The following LY6G5B variants were observed in gnomAD, a reference collection of about 807,000 sequenced individuals.
LY6G5B encodes lymphocyte antigen 6 complex locus protein G5b.
In LY6G5B, 6 loss-of-function variants were observed where a neutral mutation model predicts 6.7. The observed-to-expected ratio is 0.89, with a 90% CI of 0.49 to 1.76. The LOEUF (loss-of-function observed/expected upper bound fraction) is 1.76. Among genes scored for constraint, LY6G5B ranks in the 40% most tolerant of loss-of-function variants. The pLI, the probability that LY6G5B is intolerant of heterozygous loss-of-function variation, is 0.01. For missense variants in LY6G5B, 240 were observed against 249.5 expected (o/e 0.96, Z 0.26); for synonymous variants, 98 against 99.4 (o/e 0.99, Z 0.09).
At chr6:31,669,992 C>G, upstream of LY6G5B, 18 of 1,330,262 alleles carry the variant, frequency 1.4e-5, no homozygotes, top group South Asian at 1.1e-4. The surrounding 1 kb of genome is among the most constrained non-coding windows in gnomAD (Gnocchi z 4.8). Flanking sequence ...TTTCAGGAAC[C>G]CTGTATGGTT....
intron 2 of LY6G5B, 71 bp downstream of exon 2, chr6:31,671,355 C>A (rs1802202749): frequency 5.0e-6 from 8 of 1,601,590 alleles, no homozygotes; most frequent in South Asian, 2.2e-5. Context: ...TCTCACAGAT[C>A]AGGGCTGCTC....
exon 1 of LY6G5B, chr6:31,670,721 C>G (rs1015545974): frequency 1.3e-5 from 7 of 548,466 alleles, no homozygotes; most frequent in Non-Finnish European, 2.3e-5. Context: ...TACTCCCACA[C>G]TCAGGAACCA....
chr6:31,672,318 A>G, exon 3 of LY6G5B: 1 of 1,584,082 alleles, frequency 6.3e-7, no homozygotes, highest in Non-Finnish European at 8.6e-7. Context: ...TAACACCCTC[A>G]GCATCCTGCA....
Position 31,672,256 on chromosome 6 carries a change from G to T in LY6G5B, c.580G>T (p.Gly194Ter), listed in dbSNP as rs747771533. 6.2e-7 allele frequency: 1 copy of T among 1,612,916 alleles called. No homozygotes were observed. Among genetic ancestry groups the T allele is most frequent in the South Asian group, 1.1e-5 (1 of 91,074 alleles). ...AGGACTTTTGGTTCTTCCCCAGGCT[G>T]GACTCTTGACACCTCACCCTTCCTG... is the stretch of plus-strand genomic sequence containing the variant. The change falls in exon 3 of 3, where the codon GGA becomes TGA. Residue 194 changes from glycine (G) to a stop codon, truncating the protein, a stop_gained. Coordinates refer to ENST00000375864, the Ensembl canonical transcript of LY6G5B. LOFTEE classifies it low-confidence loss of function (END_TRUNC).
intron 1 of LY6G5B, 28 bp from the exon 2 acceptor site, chr6:31,671,128 G>A: frequency 1.2e-6 from 2 of 1,613,712 alleles, no homozygotes. Flanking sequence ...GTGACCCAGT[G>A]CCTCCATCCC....
At position 31,671,270 on chromosome 6, in the gene LY6G5B, TCACCA is replaced by T. The variant is rs1468081635; in HGVS notation, c.174_178del (p.Thr59LeufsTer3). ...AGCAGCTCATCCCTGTGCATGGTGATCACCATCTATTATGGTAAATAAGGTCCCAG... is the reference window on the plus strand; with the variant it reads ...AGCAGCTCATCCCTGTGCATGGTGATTCTATTATGGTAAATAAGGTCCCAG... On this transcript the variant is annotated frameshift_variant, in exon 2 of 3. Transcript: ENST00000375864. LOFTEE classifies it low-confidence loss of function (END_TRUNC). 6 of 1,613,632 alleles carry T rather than the reference TCACCA, an allele frequency of 3.7e-6. No individual in the cohort carries two copies. The highest frequency in any genetic ancestry group is 2.7e-5 in the African/African-American group (2 of 75,020).
chr6:31,670,107 G>A (rs1583614263), upstream of LY6G5B: 23 of 622,728 alleles, frequency 3.7e-5, no homozygotes, highest in East Asian at 6.6e-4. Flanking sequence ...GGAAGGGAAG[G>A]TGATGGTGTG....
At position 31,671,849 on chromosome 6, in the gene LY6G5B, T is replaced by A; in HGVS notation, c.188-15T>A. On this transcript the variant is annotated splice_polypyrimidine_tract_variant and intron_variant, in intron 2 of 2. Coordinates refer to ENST00000375864, the Ensembl canonical transcript of LY6G5B. ...AGCTATTGGAAGGGGTTATCAGCTT[T>A]CCCCTCTCCCTCAGATGTCAAGGTT... 6.3e-7 allele frequency: 1 copy of A among 1,597,290 alleles called. No homozygotes were observed. The highest frequency in any genetic ancestry group is 8.6e-7 in the Non-Finnish European group (1 of 1,169,442).
At chr6:31,671,182 C>T in exon 2 of LY6G5B, 1 of 1,614,112 alleles carries the variant, frequency 6.2e-7, no homozygotes, top group Non-Finnish European at 8.5e-7. Flanking sequence ...CCGGACGTGC[C>T]ACTTCTGCCT....
chr6:31,670,118 T>C (rs1175808088), upstream of LY6G5B: 1 of 603,350 alleles, frequency 1.7e-6, no homozygotes, highest in African/African-American at 1.9e-5. Context: ...TGATGGTGTG[T>C]TGGACTCCAG....
Position 31,671,128 on chromosome 6 carries a change from GCCTCCATC to G in LY6G5B, c.59-22_59-15del. The G allele has an allele frequency of 6.2e-7, 1 of 1,613,712 alleles. No homozygotes were observed. The highest frequency in any genetic ancestry group is 8.5e-7 in the Non-Finnish European group (1 of 1,179,930). On this transcript the variant is annotated intron_variant, in intron 1 of 2. Transcript: ENST00000375864. ...CCAGGGTATTTGAGAGTGACCCAGT[GCCTCCATC>G]CCTCCTTCTGCCTCCCCAGTTCCTG...
exon 2 of LY6G5B, chr6:31,671,283 T>C: frequency 1.2e-6 from 2 of 1,613,380 alleles, no homozygotes; most frequent in Non-Finnish European, 1.7e-6. Context: ...CCATCTATTA[T>C]GGTAAATAAG....
At chr6:31,672,611 A>AT (rs1802317378) in exon 3 of LY6G5B, 1 of 292,962 alleles carries the variant, frequency 3.4e-6, no homozygotes, top group African/African-American at 2.2e-5. Context: ...CGCCTGGCTA[A>AT]TTTTTTGTAT....
chr6:31,672,112 CT>C lies in LY6G5B; in HGVS notation c.437del (p.Leu146ProfsTer21). 6.2e-7 allele frequency: 1 copy of C among 1,613,152 alleles called. No homozygotes were observed. The highest frequency in any genetic ancestry group is 1.6e-4 in the Middle Eastern group (1 of 6,062). On this transcript the variant is annotated frameshift_variant, in exon 3 of 3. Transcript: ENST00000375864. LOFTEE classifies it low-confidence loss of function (END_TRUNC). ...CCAGGCCCTGAACCTCTCCCTGCCC[CT>C]CCCCAATTTCCATGCTGGGACGGAG...
At position 31,672,030 on chromosome 6, in the gene LY6G5B, G is replaced by C. The variant is rs529255721; in HGVS notation, c.354G>C (p.Glu118Asp). The C allele has an allele frequency of 7.1e-5, 115 of 1,613,082 alleles. No homozygotes were observed. Among genetic ancestry groups the C allele is most frequent in the Admixed American group, 2.7e-4 (16 of 60,012 alleles). The change falls in exon 3 of 3, where the codon GAG (glutamate) becomes GAC (aspartate). Residue 118 changes from glutamate to aspartate, a missense_variant. Transcript: ENST00000375864. ...CCCAACTCCAGAGCTCTCTGCCGGA[G>C]CCCCATGACAGGCCCCTGGCCCTGC...
intron 2 of LY6G5B, among the ~76,000 whole-genome samples, 183 bp from the exon 3 acceptor site, chr6:31,671,681 G>A (rs1451432914): frequency 6.6e-6 from 1 of 152,040 alleles, no homozygotes; most frequent in Non-Finnish European, 1.5e-5. Context: ...AAAACCAGAA[G>A]AATCTTGGAA....
At chr6:31,671,093 TC>T in intron 1 of LY6G5B, 62 bp from the exon 2 acceptor site, 1 of 1,611,982 alleles carries the variant, frequency 6.2e-7, no homozygotes, top group Non-Finnish European at 8.5e-7. Flanking sequence ...TAATCGGGCT[TC>T]CTACTGGCCC....
chr6:31,673,325 C>CT (rs1216806947), exon 3 of LY6G5B: 2 of 152,490 alleles, frequency 1.3e-5, no homozygotes, highest in Non-Finnish European at 2.9e-5. Flanking sequence ...AATTTTGTGT[C>CT]CCTGCCTCAC....
chr6:31,670,239 C>T (rs146343216), exon 1 of LY6G5B: 97 of 358,540 alleles, frequency 2.7e-4, no homozygotes, highest in African/African-American at 1.9e-3. Context: ...CCTAGGACTG[C>T]GTGTGATGAA....
Sources: gnomAD v4.1 joint callset for allele counts (sites outside exome capture counted in the v4.1 genomes callset) on GRCh38, gnomAD v4.1.1 for gene constraint, Gnocchi (gnomAD v3.1) non-coding constraint, MANE v1.5 for transcripts, NCBI Gene and HGNC (gene_info 2026-07-23, HGNC 2026-07-21) for gene names.